The following KDM2B variants were observed in gnomAD, a reference collection of about 807,000 sequenced individuals.
The protein encoded by KDM2B is lysine-specific demethylase 2B.
A neutral mutation model predicts 150.0 loss-of-function variants in KDM2B; 26 were observed. That is an observed-to-expected ratio of 0.17 (90% CI 0.13 to 0.24). The LOEUF is 0.24. Among genes scored for constraint, KDM2B ranks in the 10% least tolerant of loss-of-function variants. KDM2B has a pLI of 1.00. For missense variants in KDM2B, 1,265 were observed against 1,816.9 expected (o/e 0.70, Z 5.52); for synonymous variants, 734 against 729.5 (o/e 1.01, Z -0.10).
At chr12:121,409,487 A>T in the KDM2B span, 3 of 152,354 alleles carry the variant, frequency 2.0e-5, no homozygotes, top group Admixed American at 2.0e-4. Flanking sequence ...CCCAGCTGAA[A>T]CAGTGTAGGC....
At chr12:121,510,982 G>A (rs1405953297) in intron 10 of KDM2B, among the ~76,000 whole-genome samples, 1 of 151,404 alleles carries the variant, frequency 6.6e-6, no homozygotes, top group Non-Finnish European at 1.5e-5. Flanking sequence ...AACAGCTGAA[G>A]GGTATGAGTT....
At chr12:121,480,583 CAAAAAA>C (rs35490517) in intron 12 of KDM2B, among the ~76,000 whole-genome samples, 13 of 63,250 alleles carry the variant, frequency 2.1e-4, no homozygotes, top group Non-Finnish European at 2.7e-4. Context: ...CTGTCGCTAC[CAAAAAA>C]AAAAAAAAAA....
intron 7 of KDM2B, among the ~76,000 whole-genome samples, chr12:121,534,285 C>T (rs1887913265): frequency 6.6e-6 from 1 of 150,916 alleles, no homozygotes; most frequent in Non-Finnish European, 1.5e-5. Context: ...GGAGGCAGAG[C>T]TTGCAGTGAG....
intron 12 of KDM2B, among the ~76,000 whole-genome samples, chr12:121,492,338 A>G (rs1464936943): frequency 6.6e-6 from 1 of 152,056 alleles, no homozygotes; most frequent in Non-Finnish European, 1.5e-5. Flanking sequence ...AAATAAAACT[A>G]TAGTGCATCC....
chr12:121,417,933 C>T, the KDM2B span: 6 of 1,605,834 alleles, frequency 3.7e-6, no homozygotes, highest in East Asian at 8.9e-5. The surrounding 1 kb of genome is among the most constrained non-coding windows in gnomAD (Gnocchi z 5.0). Flanking sequence ...TAACTAATTA[C>T]ACCCAGGGCC....
At chr12:121,522,050 A>G (rs782766476) in intron 8 of KDM2B, among the ~76,000 whole-genome samples, 1 of 151,516 alleles carries the variant, frequency 6.6e-6, no homozygotes, top group Non-Finnish European at 1.5e-5. Context: ...TTGAAGCTTC[A>G]GTGAACTGTG....
intron 22 of KDM2B, among the ~76,000 whole-genome samples, chr12:121,435,893 C>T (rs367643804): frequency 1.3e-5 from 2 of 152,136 alleles, no homozygotes; most frequent in East Asian, 1.9e-4. Context: ...GCTCCAACCG[C>T]GTGCCCAGAG....
chr12:121,536,341 C>T (rs1888093968), intron 6 of KDM2B: 1 of 152,508 alleles, frequency 6.6e-6, no homozygotes, highest in Admixed American at 6.5e-5. Flanking sequence ...CATCAGAGCC[C>T]CGCTGCCTAG....
chr12:121,444,455 C>G lies in KDM2B; in HGVS notation c.2185G>C (p.Gly729Arg). The G allele has an allele frequency of 1.9e-6, 3 of 1,614,122 alleles. No individual in the cohort carries two copies. The highest frequency in any genetic ancestry group is 2.5e-6 in the Non-Finnish European group (3 of 1,180,012). ...CPKCNHAGKTGKQKRGPGFKY... is the reference protein window; with the variant it reads ...CPKCNHAGKTRKQKRGPGFKY... Reference sequence around the variant, plus strand: ...ACTTGGAGCCCGGCACTCACTTTCCCGGTCTTGCCGGCGTGGTTACACTTC... The same window carrying G: ...ACTTGGAGCCCGGCACTCACTTTCCGGGTCTTGCCGGCGTGGTTACACTTC... The change falls in exon 15 of 23, where the codon GGG becomes CGG. Residue 729 changes from glycine (G) to arginine (R), a missense_variant. Physicochemically the swap from Gly to Arg is moderately radical, Grantham distance 125 (BLOSUM62 -2). Coordinates refer to ENST00000377071, the MANE Select transcript of KDM2B (RefSeq NM_032590.5).
chr12:121,502,008 G>C (rs1469431800), intron 11 of KDM2B, among the ~76,000 whole-genome samples: 1 of 152,168 alleles, frequency 6.6e-6, no homozygotes, highest in Non-Finnish European at 1.5e-5. Flanking sequence ...ACCCAGAAGA[G>C]GCCGCATCAA....
rs782633970 is a variant in KDM2B at position 121,513,265 on chromosome 12, G to A, written c.1174+11C>T. ...GCAGCCGAGGCCGTGGGCTCCCTCC[G>A]GTTCACTCACCAATAAGCATCGACT... On this transcript the variant is annotated intron_variant, in intron 10 of 22. Transcript: ENST00000377071. This position sits in a 1 kb window ranked among gnomAD's most constrained non-coding sequence, Gnocchi z 5.0. 1.9e-5 allele frequency: 31 copies of A among 1,612,116 alleles called. No homozygotes were observed. Among genetic ancestry groups the A allele is most frequent in the Non-Finnish European group, 2.5e-5 (30 of 1,178,912 alleles).
chr12:121,559,166 A>G (rs1389122227), intron 4 of KDM2B, among the ~76,000 whole-genome samples: 3 of 152,190 alleles, frequency 2.0e-5, no homozygotes, highest in African/African-American at 7.2e-5. Flanking sequence ...GGCTGTGGGG[A>G]GCAGCTGGGG....
At chr12:121,415,265 A>T in the KDM2B span, 1 of 310,846 alleles carries the variant, frequency 3.2e-6, no homozygotes, top group South Asian at 2.4e-5. Flanking sequence ...TTATTTACAT[A>T]TGCTATAGTA....
downstream of KDM2B, among the ~76,000 whole-genome samples, chr12:121,427,140 C>G (rs1555284359): frequency 6.6e-6 from 1 of 152,180 alleles, no homozygotes; most frequent in Non-Finnish European, 1.5e-5. Context: ...CAAACATTCC[C>G]TTGGGTTTAT....
At chr12:121,464,944 G>C (rs1879654460) in intron 12 of KDM2B, among the ~76,000 whole-genome samples, 1 of 152,216 alleles carries the variant, frequency 6.6e-6, no homozygotes, top group Admixed American at 6.5e-5. Context: ...AACTGTTGAG[G>C]AAAGCATGCA....
At chr12:121,552,555 C>T (rs999826990) in intron 4 of KDM2B, among the ~76,000 whole-genome samples, 2 of 152,042 alleles carry the variant, frequency 1.3e-5, no homozygotes, top group Non-Finnish European at 2.9e-5. Context: ...CGTCTGTAAT[C>T]CCAGCTACTT....
intron 8 of KDM2B, among the ~76,000 whole-genome samples, chr12:121,531,373 G>A (rs1887647538): frequency 6.6e-6 from 1 of 152,116 alleles, no homozygotes; most frequent in African/African-American, 2.4e-5. Flanking sequence ...CCCATAGCAG[G>A]AACTGCTACT....
chr12:121,573,506 C>T (rs1249805211), intron 4 of KDM2B, among the ~76,000 whole-genome samples: 1 of 151,754 alleles, frequency 6.6e-6, no homozygotes, highest in Non-Finnish European at 1.5e-5. Context: ...AATTCTTGGG[C>T]TCAAGCGATC....
rs1555305735 is a variant in KDM2B, at chr12:121,520,823, C to T, written c.1047+162G>A. Among the ~76,000 whole-genome samples the T allele has an allele frequency of 6.6e-6, 1 of 151,960 alleles. No homozygotes were observed. The highest frequency in any genetic ancestry group is 2.4e-5 in the African/African-American group (1 of 41,390). Reference sequence around the variant, plus strand: ...GGCTCCTACAGGCATTCCCCTGCCCCCCCTCCCCCGCCACAGAACCAGGAC... The same window carrying T: ...GGCTCCTACAGGCATTCCCCTGCCCTCCCTCCCCCGCCACAGAACCAGGAC... On this transcript the variant is annotated intron_variant, in intron 9 of 22. Coordinates refer to ENST00000377071, the MANE Select transcript of KDM2B (RefSeq NM_032590.5). This position sits in a 1 kb window ranked among gnomAD's most constrained non-coding sequence, Gnocchi z 4.5.
Sources: gnomAD v4.1 joint callset for allele counts (sites outside exome capture counted in the v4.1 genomes callset) on GRCh38, gnomAD v4.1.1 for gene constraint, Gnocchi (gnomAD v3.1) non-coding constraint, MANE v1.5 for transcripts, NCBI Gene and HGNC (gene_info 2026-07-23, HGNC 2026-07-21) for gene names.